Variants in IPO11 observed in about 807,000 individuals in gnomAD.
IPO11 encodes importin 11.
IPO11 carries 66 observed loss-of-function variants against 143.2 expected under a neutral mutation model. The ratio of observed to expected loss-of-function variants is 0.46; its 90% CI spans 0.38 to 0.57. IPO11 has a LOEUF of 0.57. IPO11 is among the 20% of genes least tolerant of loss of function. IPO11 has a pLI of 0.00. For missense variants in IPO11, 1,026 were observed against 1,141.0 expected (o/e 0.90, Z 1.45); for synonymous variants, 385 against 377.8 (o/e 1.02, Z -0.22).
chr5:62,515,527 T>G, intron 20 of IPO11, 26 bp downstream of exon 20: 1 of 1,468,024 alleles, frequency 6.8e-7, no homozygotes, highest in East Asian at 2.3e-5. Context: ...ACAGAGTTTT[T>G]TTAGTTTAGT....
chr5:62,426,873 A>G (rs527481150), intron 1 of IPO11, among the ~76,000 whole-genome samples: 1 of 143,324 alleles, frequency 7.0e-6, no homozygotes, highest in South Asian at 2.2e-4. Context: ...TTTTTAAGTT[A>G]TGATTGGTTT....
intron 27 of IPO11, among the ~76,000 whole-genome samples, chr5:62,586,198 C>A (rs538065383): frequency 6.6e-6 from 1 of 152,058 alleles, no homozygotes; most frequent in Non-Finnish European, 1.5e-5. Flanking sequence ...AAACAGTAAA[C>A]GTGTTTATAT....
At chr5:62,452,723 GGTGTGTGTGTGT>G (rs57057274) in intron 5 of IPO11, among the ~76,000 whole-genome samples, 25 of 135,444 alleles carry the variant, frequency 1.8e-4, no homozygotes, top group Admixed American at 5.1e-4. Context: ...TTTTTGGTGG[GGTGTGTGTGTGT>G]GTGTGTGTGT....
rs1745350475 is a variant in IPO11, at chr5:62,598,507, TTTC to T, written c.2679-3254_2679-3252del. Among the ~76,000 whole-genome samples the T allele has an allele frequency of 4.3e-4, 3 of 7,022 alleles. 1 individual carries two copies. Among genetic ancestry groups the T allele is most frequent in the Non-Finnish European group, 6.1e-4 (3 of 4,914 alleles). The allele number at this position is 7,022 out of a possible 152,430, so 4.6% of individuals were successfully genotyped here. On this transcript the variant is annotated intron_variant, in intron 28 of 29. Transcript: ENST00000325324. ...CTCTCTCTCTCTCTTTCTTTCTTTC[TTTC>T]TTTCTTTCTTTCTTTCTTTTCTTTC...
rs1745312271 is a variant in IPO11, at chr5:62,598,391, G to GCTTGCTTT, written c.2679-3370_2679-3369insGCTTTCTT. Among the ~76,000 whole-genome samples the GCTTGCTTT allele has an allele frequency of 1.4e-4, 5 of 36,504 alleles. 2 individuals carry two copies. The highest frequency in any genetic ancestry group is 7.3e-4 in the Admixed American group (2 of 2,756). The allele number at this position is 36,504 out of a possible 152,430, so 23.9% of individuals were successfully genotyped here. Reference sequence around the variant, plus strand: ...CCATAAATTGTTTGCTTGCTTGCTTGCTTTCTTTCTTTCTTTCTTTCTTTC... The same window carrying GCTTGCTTT: ...CCATAAATTGTTTGCTTGCTTGCTTGCTTGCTTTCTTTCTTTCTTTCTTTCTTTCTTTC... On this transcript the variant is annotated intron_variant, in intron 28 of 29. Transcript: ENST00000325324.
intron 27 of IPO11, among the ~76,000 whole-genome samples, chr5:62,589,197 C>T (rs1744921612): frequency 1.3e-5 from 2 of 152,130 alleles, no homozygotes; most frequent in Admixed American, 6.5e-5. Flanking sequence ...CCAAAAAACA[C>T]CCCTTCAACC....
In IPO11 at chr5:62,441,496, CTTTTTTTTTTTTTTTT is replaced by C. The variant is rs995019567; in HGVS notation, c.139-1468_139-1453del. Among the ~76,000 whole-genome samples the C allele has an allele frequency of 3.3e-3, 156 of 47,386 alleles. 2 individuals are homozygous for C. Among genetic ancestry groups the C allele is most frequent in the African/African-American group, 0.012 (137 of 10,982 alleles). 31.1% of individuals were successfully genotyped at this position (47,386 alleles called of 152,430 possible). A position where few individuals can be genotyped will look rare whatever the true frequency, so the allele number is the denominator to read the frequency against. ...ACAGGCATGAGCCACTGTGCCTGGCCTTTTTTTTTTTTTTTTTTTTTTTTTTTTTTTTTTATGGGAC... is the reference window on the plus strand; with the variant it reads ...ACAGGCATGAGCCACTGTGCCTGGCCTTTTTTTTTTTTTTTTTTATGGGAC... On this transcript the variant is annotated intron_variant, in intron 2 of 29. Coordinates refer to ENST00000325324, the MANE Select transcript of IPO11 (RefSeq NM_016338.5).
chr5:62,504,878 A>G lies in IPO11; in HGVS notation c.1645A>G (p.Arg549Gly). ...TTCACCTGTTGATGATTTTGAATTT[A>G]GAACAGATCAGTTTCTACCGGTAAG... ...LKLTVDDFEF[R>G]TDQFLPYLET... Residue 549 changes from arginine (R) to glycine (G), a missense_variant, in exon 18 of 30, where the codon AGA becomes GGA. Coordinates refer to ENST00000325324, the MANE Select transcript of IPO11 (RefSeq NM_016338.5). The G allele has an allele frequency of 6.4e-7, 1 of 1,562,546 alleles. No individual in the cohort carries two copies. Among genetic ancestry groups the G allele is most frequent in the Non-Finnish European group, 8.7e-7 (1 of 1,147,224 alleles).
chr5:62,579,781 C>A, intron 27 of IPO11: 1 of 1,542,700 alleles, frequency 6.5e-7, no homozygotes, highest in South Asian at 1.2e-5. Context: ...TTTTCTATTT[C>A]TAAATAATAA....
rs1429217988 is a variant in IPO11 at position 62,504,574 on chromosome 5, C to T, written c.1591-93C>T. On this transcript the variant is annotated intron_variant, in intron 16 of 29. Transcript: ENST00000325324. ...TGTGACTCTAATAATAATAAGAGTACAGAAAGTGATTTGGAATAAAATTTT... is the reference window on the plus strand; with the variant it reads ...TGTGACTCTAATAATAATAAGAGTATAGAAAGTGATTTGGAATAAAATTTT... 9.9e-6 allele frequency: 7 copies of T among 710,472 alleles called. No individual in the cohort carries two copies. The Admixed American group carries it at 1.6e-4, about 16-fold the overall frequency. The allele number at this position is 710,472 out of a possible 1,614,324, so 44.0% of individuals were successfully genotyped here.
At chr5:62,428,658 A>C (rs1743850259) in intron 1 of IPO11, among the ~76,000 whole-genome samples, 1 of 152,048 alleles carries the variant, frequency 6.6e-6, no homozygotes, top group Non-Finnish European at 1.5e-5. Context: ...CACATTAAAA[A>C]AAGATTGAAA....
Position 62,434,552 on chromosome 5 carries a change from A to G in IPO11, c.-6-2722A>G, listed in dbSNP as rs1744106289. 3.3e-5 allele frequency among the ~76,000 whole-genome samples: 5 copies of G among 152,216 alleles called. No individual in the cohort carries two copies. The South Asian group carries it at 1.0e-3, about 32-fold the overall frequency. ...TGGGCTCAGGCGATCTGTCTGCCTC[A>G]GCCTCCCAAAGTGCTGGGATTAACA... On this transcript the variant is annotated intron_variant, in intron 1 of 29. Coordinates refer to ENST00000325324, the MANE Select transcript of IPO11 (RefSeq NM_016338.5).
intron 15 of IPO11, 105 bp from the exon 16 acceptor site, chr5:62,493,893 G>T: frequency 9.8e-7 from 1 of 1,022,296 alleles, no homozygotes; most frequent in South Asian, 1.9e-5. Flanking sequence ...TAAAAATGCA[G>T]ATTGCATTCT....
At chr5:62,434,678 T>TA (rs1744109945) in intron 1 of IPO11, among the ~76,000 whole-genome samples, 1 of 152,134 alleles carries the variant, frequency 6.6e-6, no homozygotes, top group Non-Finnish European at 1.5e-5. Flanking sequence ...TCAGTATATT[T>TA]AAAAAATATT....
chr5:62,614,041 A>G (rs372231314), intron 29 of IPO11, among the ~76,000 whole-genome samples: 15 of 152,316 alleles, frequency 9.8e-5, no homozygotes, highest in African/African-American at 3.6e-4. Context: ...GTGCAGTTTT[A>G]TCTTTATTTT....
intron 15 of IPO11, among the ~76,000 whole-genome samples, chr5:62,491,803 C>CTACA (rs1355099730): frequency 6.6e-6 from 1 of 151,578 alleles, no homozygotes; most frequent in Non-Finnish European, 1.5e-5. Context: ...GTAGCTGGGA[C>CTACA]TACAGGTGCC....
intron 7 of IPO11, among the ~76,000 whole-genome samples, chr5:62,471,250 G>T (rs532276922): frequency 2.7e-5 from 4 of 150,764 alleles, no homozygotes; most frequent in Non-Finnish European, 5.9e-5. Context: ...CGCTTTGGGG[G>T]TTGCTCAGGA....
chr5:62,416,699 C>A (rs1743304479), intron 1 of IPO11, among the ~76,000 whole-genome samples: 1 of 150,146 alleles, frequency 6.7e-6, no homozygotes, highest in Non-Finnish European at 1.5e-5. Context: ...TTAAGCATAC[C>A]CAAGTCTCTT....
chr5:62,432,187 T>A (rs1744018253), intron 1 of IPO11, among the ~76,000 whole-genome samples: 1 of 152,200 alleles, frequency 6.6e-6, no homozygotes, highest in Admixed American at 6.5e-5. Context: ...AAACTTGATT[T>A]GGGTACTTTA....
Sources: allele counts gnomAD v4.1 joint callset (sites outside exome capture counted in the v4.1 genomes callset), GRCh38; gene constraint gnomAD v4.1.1; transcripts MANE v1.5; gene names NCBI Gene and HGNC (gene_info 2026-07-23, HGNC 2026-07-21).